The following ACACA variants were observed in gnomAD, a reference collection of about 807,000 sequenced individuals.
ACACA encodes acetyl-CoA carboxylase alpha, also known as acetyl-CoA carboxylase 1.
A neutral mutation model predicts 296.1 loss-of-function variants in ACACA; 103 were observed. The ratio of observed to expected loss-of-function variants is 0.35; its 90% CI spans 0.30 to 0.41. The LOEUF is 0.41. ACACA is among the 10% of genes least tolerant of loss of function. ACACA has a pLI of 1.00. For synonymous variants in ACACA, 953 were observed against 1,038.6 expected (o/e 0.92, Z 1.58); for missense variants, 1,554 against 2,989.7 (o/e 0.52, Z 11.20).
intron 1 of ACACA, among the ~76,000 whole-genome samples, chr17:37,384,722 T>A (rs2050452825): frequency 6.6e-6 from 1 of 152,236 alleles, no homozygotes; most frequent in Non-Finnish European, 1.5e-5. Context: ...GTTGACTTTA[T>A]GTCTGTCTCT....
At chr17:37,309,147 G>A (rs963094092) in intron 3 of ACACA, among the ~76,000 whole-genome samples, 1 of 152,010 alleles carries the variant, frequency 6.6e-6, no homozygotes, top group African/African-American at 2.4e-5. Context: ...TCAGCCTTCC[G>A]AGTAGCTAGG....
chr17:37,252,990 G>A lies in ACACA; in HGVS notation c.1873C>T (p.Arg625Ter). The A allele has an allele frequency of 1.2e-6, 2 of 1,614,196 alleles. No individual in the cohort carries two copies. The highest frequency in any genetic ancestry group is 8.5e-7 in the Non-Finnish European group (1 of 1,180,034). ...TTGATCAGGTATTCAACTGTAGTTC[G>A]AAAGTCACCCCGAATAGACAGCTCC... ...LKELSIRGDF[R>*]TTVEYLIKLL... is the part of the protein sequence containing the mutation. The change falls in exon 15 of 56, where the codon CGA (arginine) becomes TGA (stop). Residue 625 changes from arginine to a stop codon, truncating the protein, a stop_gained. Transcript: ENST00000616317. LOFTEE classifies it high-confidence loss of function.
At chr17:37,349,155 G>A (rs1291734800) in intron 1 of ACACA, among the ~76,000 whole-genome samples, 1 of 150,472 alleles carries the variant, frequency 6.6e-6, no homozygotes, top group Non-Finnish European at 1.5e-5. Context: ...CCACCTCCCA[G>A]ACTCAAGCAA....
chr17:37,129,258 C>T (rs2074973292), intron 47 of ACACA, 107 bp downstream of exon 47: 9 of 1,482,910 alleles, frequency 6.1e-6, no homozygotes, highest in Non-Finnish European at 7.5e-6. Context: ...AGGTACTTAC[C>T]TCTGTTTTCT....
intron 42 of ACACA, chr17:37,161,512 A>T (rs945482265): frequency 1.9e-6 from 1 of 533,024 alleles, no homozygotes; most frequent in Non-Finnish European, 3.3e-6. Context: ...CATGTCTCGC[A>T]CTAAATGCAT....
In ACACA at chr17:37,284,966, T is replaced by C. The variant is rs2082700084; in HGVS notation, c.343A>G (p.Ser115Gly). The C allele has an allele frequency of 3.7e-6, 6 of 1,614,054 alleles. No individual in the cohort carries two copies. Among genetic ancestry groups the C allele is most frequent in the Non-Finnish European group, 5.1e-6 (6 of 1,180,030 alleles). ...TTTACTAGGTGCAAGCCAGACATGC[T>C]GGACCTATAAAAATACAGAAGCCAT... ...QDGLALHIRS[S>G]MSGLHLVKQG... The change falls in exon 4 of 56, where the codon AGC becomes GGC. Residue 115 changes from serine (S) to glycine (G), a missense_variant. Transcript: ENST00000616317.
At chr17:37,309,722 G>T (rs2146986294) in intron 3 of ACACA, among the ~76,000 whole-genome samples, 1 of 152,208 alleles carries the variant, frequency 6.6e-6, no homozygotes, top group East Asian at 1.9e-4. Context: ...GTTGACAGAA[G>T]TCAGATCATT....
In ACACA at chr17:37,257,792, A is replaced by G; in HGVS notation, c.1737T>C (p.Ser579=). 1 of 1,614,238 alleles carries G rather than the reference A, an allele frequency of 6.2e-7. No individual in the cohort carries two copies. Residue 579 remains serine (S), a synonymous_variant, in exon 14 of 56, where the codon AGT becomes AGC. Transcript: ENST00000616317. ...CATGAAGTCCCCCTGCAGCAGCAAC[A>G]CTGAAATATCCCCAAACATTCTTAT... The part of the protein sequence containing the change: ...RSNKNVWGYF[S]VAAAGGLHEF...
intron 3 of ACACA, among the ~76,000 whole-genome samples, chr17:37,308,831 G>A (rs2083999706): frequency 6.6e-6 from 1 of 152,070 alleles, no homozygotes; most frequent in African/African-American, 2.4e-5. Context: ...TAGCTACTCG[G>A]GAGACTGAGG....
Position 37,396,950 on chromosome 17 carries a change from C to A in ACACA, c.38+9312G>T, listed in dbSNP as rs113881935. On this transcript the variant is annotated intron_variant, in intron 1 of 55. Transcript: ENST00000616317. ...ATGTGCACAATGTCCAGGTTTATTA[C>A]ATATGTATACATGTGCCATGTTGGT... 5.8e-3 allele frequency among the ~76,000 whole-genome samples: 880 copies of A among 152,162 alleles called. 5 individuals carry two copies. Among genetic ancestry groups the A allele is most frequent in the African/African-American group, 0.018 (760 of 41,502 alleles).
At chr17:37,153,688 AG>A (rs2076130241) in intron 43 of ACACA, among the ~76,000 whole-genome samples, 1 of 152,194 alleles carries the variant, frequency 6.6e-6, no homozygotes, top group Admixed American at 6.5e-5. Context: ...TTAAGTTCTT[AG>A]GACGCAAATA....
At chr17:37,250,272 A>C (rs973226042) in intron 16 of ACACA, among the ~76,000 whole-genome samples, 2 of 152,222 alleles carry the variant, frequency 1.3e-5, no homozygotes, top group African/African-American at 4.8e-5. Flanking sequence ...GAGGTAAGAG[A>C]GAGACTTCTC....
At chr17:37,143,221 T>A (rs75816218) in intron 45 of ACACA, among the ~76,000 whole-genome samples, 1 of 151,146 alleles carries the variant, frequency 6.6e-6, no homozygotes, top group Non-Finnish European at 1.5e-5. Context: ...TTTTTTTTTT[T>A]AACTAATAAA....
intron 45 of ACACA, among the ~76,000 whole-genome samples, chr17:37,130,869 AT>A (rs1477468188): frequency 1.4e-5 from 2 of 145,414 alleles, no homozygotes; most frequent in African/African-American, 2.6e-5. Context: ...TAGGTTCCTC[AT>A]TTTTAAAAAG....
At chr17:37,195,040 A>T (rs2077929675) in intron 35 of ACACA, among the ~76,000 whole-genome samples, 1 of 151,962 alleles carries the variant, frequency 6.6e-6, no homozygotes, top group African/African-American at 2.4e-5. Flanking sequence ...GTTTTATATA[A>T]CCTAGTTTTG....
chr17:37,381,808 T>C (rs2050286472), intron 1 of ACACA, among the ~76,000 whole-genome samples: 1 of 151,704 alleles, frequency 6.6e-6, no homozygotes, highest in Admixed American at 6.6e-5. Flanking sequence ...TTTGTATTTT[T>C]GGTAGAGATG....
At chr17:37,361,954 C>A (rs866865775) in intron 1 of ACACA, among the ~76,000 whole-genome samples, 10 of 152,154 alleles carry the variant, frequency 6.6e-5, no homozygotes, top group Admixed American at 3.9e-4. Flanking sequence ...ACCCCTAATA[C>A]CTCAGAATGT....
intron 55 of ACACA, among the ~76,000 whole-genome samples, chr17:37,088,070 T>C (rs1487544734): frequency 1.3e-5 from 2 of 152,198 alleles, no homozygotes; most frequent in South Asian, 2.1e-4. Flanking sequence ...ATAAACAGCA[T>C]GTGCCCCCAG....
At chr17:37,193,208 G>A (rs970491007) in intron 36 of ACACA, among the ~76,000 whole-genome samples, 166 bp downstream of exon 36, 1 of 152,112 alleles carries the variant, frequency 6.6e-6, no homozygotes, top group Non-Finnish European at 1.5e-5. Flanking sequence ...AACCCTTTCA[G>A]AAAGGAATTG....
Sources: gnomAD v4.1 joint callset for allele counts (sites outside exome capture counted in the v4.1 genomes callset) on GRCh38, gnomAD v4.1.1 for gene constraint, MANE v1.5 for transcripts, NCBI Gene and HGNC (gene_info 2026-07-23, HGNC 2026-07-21) for gene names.